The following ROCK2 variants were observed in gnomAD, a reference collection of about 807,000 sequenced individuals.
The protein encoded by ROCK2 is rho-associated protein kinase 2.
A neutral mutation model predicts 195.1 loss-of-function variants in ROCK2; 61 were observed. The ratio of observed to expected loss-of-function variants is 0.31; its 90% confidence interval spans 0.25 to 0.39. ROCK2 has a LOEUF of 0.39. ROCK2 is among the 10% of genes least tolerant of loss of function. The pLI, the probability that ROCK2 is intolerant of heterozygous loss-of-function variation, is 1.00. For missense variants in ROCK2, 1,109 were observed against 1,637.4 expected (o/e 0.68, Z 5.57); for synonymous variants, 504 against 545.5 (o/e 0.92, Z 1.06).
intron 1 of ROCK2, among the ~76,000 whole-genome samples, chr2:11,290,761 A>C (rs1186239013): frequency 2.0e-5 from 3 of 152,176 alleles, no homozygotes; most frequent in African/African-American, 7.2e-5. Flanking sequence ...GAGGAGTTAA[A>C]ACCAGACTGA....
intron 1 of ROCK2, among the ~76,000 whole-genome samples, chr2:11,295,420 G>A (rs1409465615): frequency 6.6e-6 from 1 of 150,712 alleles, no homozygotes; most frequent in Admixed American, 6.6e-5. Flanking sequence ...ATAGACTTTA[G>A]GGCAAAAAAA....
At chr2:11,275,486 A>C (rs1666792221) in intron 3 of ROCK2, among the ~76,000 whole-genome samples, 1 of 152,148 alleles carries the variant, frequency 6.6e-6, no homozygotes, top group Non-Finnish European at 1.5e-5. Context: ...ATTAACAGAA[A>C]GATTCTCAAC....
chr2:11,268,701 T>C (rs560376444), intron 3 of ROCK2, among the ~76,000 whole-genome samples: 7 of 152,366 alleles, frequency 4.6e-5, no homozygotes, highest in African/African-American at 1.7e-4. Flanking sequence ...TCTCTTTTGC[T>C]GCTTTCAAAT....
intron 1 of ROCK2, among the ~76,000 whole-genome samples, chr2:11,290,237 G>A (rs2148198846): frequency 6.6e-6 from 1 of 152,204 alleles, no homozygotes; most frequent in East Asian, 1.9e-4. Context: ...GACCTTCCTT[G>A]TTATGCAGTT....
intron 1 of ROCK2, among the ~76,000 whole-genome samples, chr2:11,294,817 G>A (rs1271876225): frequency 6.6e-6 from 1 of 151,374 alleles, no homozygotes; most frequent in Non-Finnish European, 1.5e-5. Flanking sequence ...TTGCTCTGTT[G>A]CCCAGGCTGG....
chr2:11,207,677 T>TA lies in ROCK2; in HGVS notation c.2549+48dup, dbSNP rs1462123746. 3 of 1,407,494 alleles carry TA rather than the reference T, an allele frequency of 2.1e-6. No individual in the cohort carries two copies. In the East Asian group the frequency reaches 7.1e-5, roughly 33 times the overall value. 87.2% of individuals were successfully genotyped at this position (1,407,494 alleles called of 1,614,324 possible). ...ATCCACAGATACACCAAAATTAACT[T>TA]ATACATGGATAATTATGCATATTAA... On this transcript the variant is annotated intron_variant, in intron 20 of 32. Transcript: ENST00000315872.
chr2:11,209,352 G>C (rs1258799860), intron 18 of ROCK2, among the ~76,000 whole-genome samples: 1 of 152,184 alleles, frequency 6.6e-6, no homozygotes, highest in South Asian at 2.1e-4. Context: ...AGGTTGTGAA[G>C]ATTTAATACA....
chr2:11,190,408 C>G (rs1663377734), intron 32 of ROCK2, among the ~76,000 whole-genome samples: 1 of 150,574 alleles, frequency 6.6e-6, no homozygotes, highest in South Asian at 2.1e-4. Context: ...AGTAAATGTA[C>G]TCTCAAATAG....
chr2:11,192,169 T>C lies in ROCK2; in HGVS notation c.4142A>G (p.Gln1381Arg), dbSNP rs1663449638. Residue 1381 changes from glutamine (Q) to arginine (R), a missense_variant, in exon 32 of 33, where the codon CAG becomes CGG. By Grantham distance (43) the Gln-to-Arg change is conservative (BLOSUM62 1). This residue lies in a region of ROCK2 where 221 missense variants were observed against 355.1 expected (regional missense o/e 0.62). Transcript: ENST00000315872. This position sits in a 1 kb window ranked among gnomAD's most constrained non-coding sequence, Gnocchi z 5.0. The stretch of plus-strand genomic sequence containing the variant: ...TTACCTAGGTTTGTTTGGGGCAAGC[T>C]GTCGACTTGGCCGTCTAATAGACTG... ...QNQSIRRPSR[Q>R]LAPNKPS 1 of 1,609,656 alleles carries C rather than the reference T, an allele frequency of 6.2e-7. No homozygotes were observed. The highest frequency in any genetic ancestry group is 8.5e-7 in the Non-Finnish European group (1 of 1,178,014).
Position 11,243,651 on chromosome 2 carries a change from C to T in ROCK2, c.462+6010G>A, listed in dbSNP as rs551390348. Among the ~76,000 whole-genome samples, 18 of 152,192 alleles carry T rather than the reference C, an allele frequency of 1.2e-4. No homozygotes were observed. The South Asian group carries it at 3.7e-3, about 32-fold the overall frequency. ...CCTACAGAGGAGCATCCACATCCTA[C>T]AGTATAATTCATGTACTCCTCCAAA... On this transcript the variant is annotated intron_variant, in intron 4 of 32. Coordinates refer to ENST00000315872, the MANE Select transcript of ROCK2 (RefSeq NM_004850.5).
intron 3 of ROCK2, among the ~76,000 whole-genome samples, chr2:11,255,452 C>T (rs897332950): frequency 1.3e-5 from 2 of 150,272 alleles, no homozygotes; most frequent in South Asian, 2.1e-4. Context: ...AAGGAAAATG[C>T]GACTCATCAT....
chr2:11,251,123 C>T (rs1665815209), intron 3 of ROCK2, among the ~76,000 whole-genome samples: 3 of 152,234 alleles, frequency 2.0e-5, no homozygotes, highest in Admixed American at 2.0e-4. Flanking sequence ...CTGCTGCCAG[C>T]ATATTCCATA....
intron 1 of ROCK2, among the ~76,000 whole-genome samples, chr2:11,336,133 T>C (rs994798144): frequency 2.0e-5 from 3 of 152,258 alleles, no homozygotes; most frequent in African/African-American, 4.8e-5. Context: ...AACGAGAGCA[T>C]ATTATTTTTA....
At chr2:11,312,840 T>C (rs1161567200) in intron 1 of ROCK2, among the ~76,000 whole-genome samples, 1 of 152,088 alleles carries the variant, frequency 6.6e-6, no homozygotes, top group Non-Finnish European at 1.5e-5. Flanking sequence ...GAAACTTAAA[T>C]GCATATTTCT....
chr2:11,344,041 C>T lies in ROCK2; in HGVS notation c.96G>A (p.Ala32=). 1 of 1,587,400 alleles carries T rather than the reference C, an allele frequency of 6.3e-7. No homozygotes were observed. Among genetic ancestry groups the T allele is most frequent in the Non-Finnish European group, 8.6e-7 (1 of 1,168,304 alleles). ...AGASRQRKLE[A]LIRDPRSPIN... is the part of the protein sequence containing the mutation. ...TGGGGGAGCGAGGGTCTCGGATCAG[C>T]GCCTCCAGCTTCCTCTGGCGGCTCG... The change falls in exon 1 of 33, where the codon GCG becomes GCA. Residue 32 remains alanine (A), a synonymous_variant. Coordinates refer to ENST00000315872, the MANE Select transcript of ROCK2 (RefSeq NM_004850.5). The surrounding 1 kb of genome is among the most constrained non-coding windows in gnomAD (Gnocchi z 5.4).
At position 11,194,361 on chromosome 2, in the gene ROCK2, A is replaced by G; in HGVS notation, c.3520-17T>C. The G allele has an allele frequency of 8.9e-7, 1 of 1,127,862 alleles. No homozygotes were observed. The highest frequency in any genetic ancestry group is 1.2e-6 in the Non-Finnish European group (1 of 813,466). 69.9% of individuals were successfully genotyped at this position (1,127,862 alleles called of 1,614,324 possible). On this transcript the variant is annotated splice_polypyrimidine_tract_variant and intron_variant, in intron 28 of 32. Transcript: ENST00000315872. ...AATCACATACTGTTAAAACAGGGAG[A>G]AAAGAAATCAGTAATTCAAGTTTTT...
intron 1 of ROCK2, among the ~76,000 whole-genome samples, chr2:11,318,819 T>C (rs1668311279): frequency 2.0e-5 from 3 of 152,250 alleles, no homozygotes. Context: ...GCTTTCTACA[T>C]ATGGCCAGCC....
At chr2:11,208,520 G>T in intron 18 of ROCK2, 73 bp from the exon 19 acceptor site, 1 of 786,928 alleles carries the variant, frequency 1.3e-6, no homozygotes, top group Non-Finnish European at 1.8e-6. Flanking sequence ...GTAAGTAAAA[G>T]CACATTAAAT....
intron 3 of ROCK2, among the ~76,000 whole-genome samples, chr2:11,253,066 C>T (rs1356971976): frequency 1.3e-5 from 2 of 151,872 alleles, no homozygotes; most frequent in Non-Finnish European, 2.9e-5. Context: ...CCAAACAGGG[C>T]TAGATTACAT....
Sources: gnomAD v4.1 joint callset for allele counts (sites outside exome capture counted in the v4.1 genomes callset) on GRCh38, gnomAD v4.1.1 for gene constraint, gnomAD v4.1.1 regional missense constraint, Gnocchi (gnomAD v3.1) non-coding constraint, MANE v1.5 for transcripts, NCBI Gene and HGNC (gene_info 2026-07-23, HGNC 2026-07-21) for gene names.